ARHGAP15: variants seen among roughly 807,000 people sequenced by gnomAD.
The protein encoded by ARHGAP15 is rho GTPase-activating protein 15.
Under a neutral mutation model 63.7 loss-of-function variants are expected in ARHGAP15, and 51 were observed. The observed-to-expected ratio is 0.80, with a 90% CI of 0.64 to 1.01. The LOEUF is 1.01. ARHGAP15 is among the 50% of genes least tolerant of loss of function. The pLI, the probability that ARHGAP15 is intolerant of heterozygous loss-of-function variation, is 0.00. For missense variants in ARHGAP15, 560 were observed against 564.6 expected (o/e 0.99, Z 0.08); for synonymous variants, 191 against 193.8 (o/e 0.99, Z 0.12).
intron 13 of ARHGAP15, among the ~76,000 whole-genome samples, chr2:143,766,191 C>T (rs908023797): frequency 6.6e-6 from 1 of 152,120 alleles, no homozygotes. Flanking sequence ...TCACTTTCCA[C>T]GGTTTCAGTT....
chr2:143,166,001 A>AGAAAGAAG (rs70982847), intron 2 of ARHGAP15, among the ~76,000 whole-genome samples: 62 of 101,140 alleles, frequency 6.1e-4, no homozygotes, highest in East Asian at 1.2e-3. Context: ...AAAGAAAGAA[A>AGAAAGAAG]GAAGGAAGGA....
At chr2:143,722,043 G>A (rs1256135192) in intron 13 of ARHGAP15, among the ~76,000 whole-genome samples, 2 of 152,120 alleles carry the variant, frequency 1.3e-5, no homozygotes, top group African/African-American at 2.4e-5. Flanking sequence ...CCTCAGTATA[G>A]CATTAAAAAC....
chr2:143,260,137 CAG>C (rs1169065962), intron 6 of ARHGAP15, among the ~76,000 whole-genome samples: 5 of 152,074 alleles, frequency 3.3e-5, no homozygotes, highest in Admixed American at 6.6e-5. Context: ...GTTAATGACT[CAG>C]AAACTCGTAA....
intron 12 of ARHGAP15, among the ~76,000 whole-genome samples, chr2:143,683,827 T>C (rs1381397584): frequency 6.6e-6 from 1 of 152,192 alleles, no homozygotes; most frequent in Non-Finnish European, 1.5e-5. Context: ...ACTTTGTTTT[T>C]CATTAACTAA....
chr2:143,389,653 C>T (rs1469532204), intron 6 of ARHGAP15, among the ~76,000 whole-genome samples: 1 of 152,150 alleles, frequency 6.6e-6, no homozygotes, highest in East Asian at 1.9e-4. Context: ...AGCCAAACAC[C>T]AGCTAGGTGG....
intron 12 of ARHGAP15, among the ~76,000 whole-genome samples, chr2:143,672,268 C>T (rs1682565263): frequency 6.6e-6 from 1 of 151,878 alleles, no homozygotes; most frequent in African/African-American, 2.4e-5. Flanking sequence ...CTGAGGTGGG[C>T]TTCAGTGTAA....
At chr2:143,183,383 A>G (rs191429373) in intron 2 of ARHGAP15, among the ~76,000 whole-genome samples, 128 of 152,344 alleles carry the variant, frequency 8.4e-4, no homozygotes, top group Non-Finnish European at 1.6e-3. Flanking sequence ...TGTTGAAATT[A>G]TAGAGACTTA....
chr2:143,486,012 C>G (rs1397668793), intron 8 of ARHGAP15, among the ~76,000 whole-genome samples: 1 of 152,190 alleles, frequency 6.6e-6, no homozygotes, highest in Non-Finnish European at 1.5e-5. Context: ...CCCCATTTTG[C>G]TAATTCAAGT....
chr2:143,621,556 T>A (rs1698648036), intron 11 of ARHGAP15, among the ~76,000 whole-genome samples: 1 of 152,200 alleles, frequency 6.6e-6, no homozygotes, highest in African/African-American at 2.4e-5. Flanking sequence ...GTATTATATT[T>A]CAAAATACTC....
At position 143,343,916 on chromosome 2, in the gene ARHGAP15, CTT is replaced by C. The variant is rs571183430; in HGVS notation, c.475-91682_475-91681del. 130 of 152,208 alleles carry C rather than the reference CTT, an allele frequency of 8.5e-4. 1 individual carries two copies. The highest frequency in any genetic ancestry group is 3.1e-3 in the African/African-American group (128 of 41,542). 9.4% of individuals were successfully genotyped at this position (152,208 alleles called of 1,614,324 possible). ...CTTTAAAAACAAAAACAATTTTTGA[CTT>C]TTGCTGTCTGCCAAAATTGATTTGC... On this transcript the variant is annotated intron_variant, in intron 6 of 13. Coordinates refer to ENST00000295095, the MANE Select transcript of ARHGAP15 (RefSeq NM_018460.4).
chr2:143,521,011 G>A (rs1204387287), intron 10 of ARHGAP15, among the ~76,000 whole-genome samples: 1 of 152,118 alleles, frequency 6.6e-6, no homozygotes, highest in African/African-American at 2.4e-5. Flanking sequence ...TTTGTTCATG[G>A]CATTTTGTTG....
At chr2:143,395,585 C>T (rs1260069437) in intron 6 of ARHGAP15, among the ~76,000 whole-genome samples, 1 of 152,082 alleles carries the variant, frequency 6.6e-6, no homozygotes, top group Non-Finnish European at 1.5e-5. Flanking sequence ...CTGTCTCCAG[C>T]AGTATCTAGT....
chr2:143,276,782 G>C (rs1190445018), intron 6 of ARHGAP15, among the ~76,000 whole-genome samples: 1 of 152,110 alleles, frequency 6.6e-6, no homozygotes, highest in African/African-American at 2.4e-5. Context: ...CTTGGTGACA[G>C]AGTAAGATTT....
chr2:143,624,113 T>C lies in ARHGAP15; in HGVS notation c.1004-20T>C, dbSNP rs1391557472. 2.5e-6 allele frequency: 4 copies of C among 1,611,480 alleles called. No individual in the cohort carries two copies. The highest frequency in any genetic ancestry group is 3.4e-6 in the Non-Finnish European group (4 of 1,178,260). On this transcript the variant is annotated intron_variant, in intron 11 of 13. Coordinates refer to ENST00000295095, the MANE Select transcript of ARHGAP15 (RefSeq NM_018460.4). ...GTTTCATTAAAACCAGTTGTTCCAT[T>C]TCTCCTCGTGTTTTCCCAGAAGAGA...
intron 9 of ARHGAP15, among the ~76,000 whole-genome samples, chr2:143,493,556 AT>A (rs1692679905): frequency 6.6e-6 from 1 of 151,746 alleles, no homozygotes; most frequent in South Asian, 2.1e-4. Flanking sequence ...CCAGAGTTTC[AT>A]TTTTTTCTTG....
chr2:143,307,241 C>G (rs1285632522), intron 6 of ARHGAP15, among the ~76,000 whole-genome samples: 1 of 152,136 alleles, frequency 6.6e-6, no homozygotes. Flanking sequence ...AACTCAAAGT[C>G]AATGGCTTTG....
chr2:143,307,068 T>C (rs540603773), intron 6 of ARHGAP15, among the ~76,000 whole-genome samples: 1 of 152,152 alleles, frequency 6.6e-6, no homozygotes, highest in East Asian at 1.9e-4. Flanking sequence ...TAGACTGAGG[T>C]CCCAAGTCCC....
At chr2:143,362,208 T>G (rs1686090049) in intron 6 of ARHGAP15, among the ~76,000 whole-genome samples, 1 of 152,218 alleles carries the variant, frequency 6.6e-6, no homozygotes, top group African/African-American at 2.4e-5. Flanking sequence ...ATCACAATTA[T>G]ACATCAGCGT....
intron 6 of ARHGAP15, among the ~76,000 whole-genome samples, chr2:143,367,004 T>C (rs1439608256): frequency 1.3e-5 from 2 of 152,250 alleles, no homozygotes; most frequent in African/African-American, 4.8e-5. Context: ...ACACTTGCAA[T>C]TGGCTCTAAA....
Sources: gnomAD v4.1 joint callset for allele counts (sites outside exome capture counted in the v4.1 genomes callset) on GRCh38, gnomAD v4.1.1 for gene constraint, MANE v1.5 for transcripts, NCBI Gene and HGNC (gene_info 2026-07-23, HGNC 2026-07-21) for gene names.